Variants in ATG10 observed in about 807,000 individuals in gnomAD.
ATG10 encodes autophagy related 10.
In ATG10, 30 loss-of-function variants were observed where a neutral mutation model predicts 32.1. The ratio of observed to expected loss-of-function variants is 0.94; its 90% CI spans 0.70 to 1.27. The LOEUF (loss-of-function observed/expected upper bound fraction) is 1.27, where lower values mean the gene tolerates loss of function less well. Ranked by LOEUF, ATG10 falls within the 50% of genes most tolerant of loss-of-function variation. The pLI is 0.00. For synonymous variants in ATG10, 87 were observed against 91.5 expected, an observed-to-expected ratio of 0.95 and a Z score of 0.28; for missense variants, 233 against 262.3, an observed-to-expected ratio of 0.89 and a Z score of 0.77.
chr5:82,000,369 T>C (rs1277137089), intron 2 of ATG10, among the ~76,000 whole-genome samples: 4 of 152,152 alleles, frequency 2.6e-5, no homozygotes, highest in Non-Finnish European at 4.4e-5. Context: ...TCATACTAAA[T>C]AGGCACAAGC....
At chr5:82,114,815 A>C (rs1765738404) in intron 3 of ATG10, among the ~76,000 whole-genome samples, 1 of 152,110 alleles carries the variant, frequency 6.6e-6, no homozygotes. Context: ...GATCTAAGAC[A>C]GCATTAGCCA....
intron 2 of ATG10, among the ~76,000 whole-genome samples, chr5:82,042,433 G>T (rs985367217): frequency 2.6e-5 from 4 of 152,002 alleles, no homozygotes; most frequent in Admixed American, 2.0e-4. Context: ...AATCTAAACC[G>T]TATCATTCCA....
At chr5:82,202,414 A>G (rs149579610) in intron 5 of ATG10, among the ~76,000 whole-genome samples, 1 of 152,164 alleles carries the variant, frequency 6.6e-6, no homozygotes, top group African/African-American at 2.4e-5. Context: ...CTTAAAAACA[A>G]CTCTTCCCCC....
At chr5:82,132,650 A>G (rs1270609535) in intron 3 of ATG10, among the ~76,000 whole-genome samples, 2 of 152,002 alleles carry the variant, frequency 1.3e-5, no homozygotes, top group Non-Finnish European at 2.9e-5. Flanking sequence ...TAACCAGTCT[A>G]TCATTGATGG....
chr5:82,087,840 G>A (rs1764743371), intron 3 of ATG10, among the ~76,000 whole-genome samples: 1 of 152,136 alleles, frequency 6.6e-6, no homozygotes, highest in South Asian at 2.1e-4. Context: ...TAAATAAAGA[G>A]GGCAGGAAGA....
At chr5:82,121,941 GT>G (rs77349086) in intron 3 of ATG10, among the ~76,000 whole-genome samples, 360 of 120,994 alleles carry the variant, frequency 3.0e-3, no homozygotes, top group East Asian at 0.015. Context: ...TTGGCCTGAA[GT>G]TTTTTTTTTT....
At chr5:82,164,726 TATC>T (rs1443561717) in intron 4 of ATG10, among the ~76,000 whole-genome samples, 189 bp downstream of exon 4, 1 of 152,232 alleles carries the variant, frequency 6.6e-6, no homozygotes, top group Non-Finnish European at 1.5e-5. Flanking sequence ...GCGTGAATGA[TATC>T]ATCTCAGCCT....
At chr5:82,228,113 G>A (rs1746205684) in intron 5 of ATG10, among the ~76,000 whole-genome samples, 1 of 151,910 alleles carries the variant, frequency 6.6e-6, no homozygotes, top group South Asian at 2.1e-4. Context: ...AAGCTGAGGT[G>A]GGAGGATCGC....
At chr5:82,177,252 C>G (rs1744067360) in intron 4 of ATG10, among the ~76,000 whole-genome samples, 1 of 152,136 alleles carries the variant, frequency 6.6e-6, no homozygotes, top group Admixed American at 6.6e-5. Context: ...AAATAATTTG[C>G]ACTCACATGG....
intron 3 of ATG10, among the ~76,000 whole-genome samples, chr5:82,089,828 A>G (rs1041074702): frequency 3.9e-5 from 6 of 152,114 alleles, no homozygotes; most frequent in Admixed American, 6.6e-5. Context: ...ATAGGAGAAC[A>G]TAGTTACAAA....
At chr5:82,082,643 T>G (rs1415453807) in intron 3 of ATG10, among the ~76,000 whole-genome samples, 1 of 152,102 alleles carries the variant, frequency 6.6e-6, no homozygotes, top group East Asian at 1.9e-4. Flanking sequence ...TTCTCAGACA[T>G]TTATCCAACT....
chr5:82,242,079 A>G (rs751290367), intron 5 of ATG10, among the ~76,000 whole-genome samples: 2 of 152,186 alleles, frequency 1.3e-5, no homozygotes, highest in Non-Finnish European at 2.9e-5. Context: ...ACAGACTAGT[A>G]GCAGACCCAC....
intron 1 of ATG10, among the ~76,000 whole-genome samples, chr5:81,983,884 C>T (rs1761163134): frequency 6.6e-6 from 1 of 150,874 alleles, no homozygotes. Flanking sequence ...GGCAGAGGCG[C>T]TCCCCACATC....
chr5:82,131,561 A>G (rs1237199809), intron 3 of ATG10, among the ~76,000 whole-genome samples: 1 of 152,122 alleles, frequency 6.6e-6, no homozygotes, highest in East Asian at 1.9e-4. Context: ...ATAGAGGGAA[A>G]GTACTTTGGA....
At chr5:82,026,865 C>G (rs1252126510) in intron 2 of ATG10, among the ~76,000 whole-genome samples, 1 of 151,486 alleles carries the variant, frequency 6.6e-6, no homozygotes, top group African/African-American at 2.4e-5. Context: ...TCGAGACCAC[C>G]CTGGCCAAGA....
At chr5:82,193,998 A>G (rs1744760690) in intron 5 of ATG10, among the ~76,000 whole-genome samples, 2 of 152,204 alleles carry the variant, frequency 1.3e-5, no homozygotes, top group African/African-American at 2.4e-5. Context: ...GCTGTGGACC[A>G]TGGGGGAACA....
At chr5:82,240,010 T>G (rs1230856622) in intron 5 of ATG10, among the ~76,000 whole-genome samples, 2 of 151,850 alleles carry the variant, frequency 1.3e-5, no homozygotes, top group Non-Finnish European at 2.9e-5. Context: ...ATCAAAAAGA[T>G]AGAAAATAGC....
At chr5:82,144,578 TA>T (rs1767273559) in intron 3 of ATG10, among the ~76,000 whole-genome samples, 1 of 151,814 alleles carries the variant, frequency 6.6e-6, no homozygotes, top group Non-Finnish European at 1.5e-5. Context: ...ATGGGTTATT[TA>T]GAAGTATATT....
At chr5:82,230,430 A>C (rs1268759046) in intron 5 of ATG10, among the ~76,000 whole-genome samples, 1 of 152,206 alleles carries the variant, frequency 6.6e-6, no homozygotes, top group Admixed American at 6.6e-5. Flanking sequence ...GTATATATGC[A>C]TAATTTATAA....
Sources: allele counts gnomAD v4.1 joint callset (sites outside exome capture counted in the v4.1 genomes callset), GRCh38; gene constraint gnomAD v4.1.1; transcripts MANE v1.5; gene names NCBI Gene and HGNC (gene_info 2026-07-23, HGNC 2026-07-21).